Variants in PRDM9 observed in about 807,000 individuals in gnomAD.
PRDM9 encodes the protein histone-lysine N-methyltransferase PRDM9.
In PRDM9, 47 loss-of-function variants were observed where a neutral mutation model predicts 55.6. That is an observed-to-expected ratio of 0.85 (90% CI 0.67 to 1.08). PRDM9 has a LOEUF of 1.08. Among genes scored for constraint, PRDM9 ranks in the 50% least tolerant of loss-of-function variants. The probability of loss-of-function intolerance (pLI) is 0.00; values close to 1 mark genes in which losing one functional copy is unlikely to be tolerated. For synonymous variants in PRDM9, 312 were observed against 375.7 expected, an observed-to-expected ratio of 0.83 and a Z score of 1.96; for missense variants, 867 against 1,040.3, an observed-to-expected ratio of 0.83 and a Z score of 2.29.
intron 5 of PRDM9, among the ~76,000 whole-genome samples, chr5:23,518,492 G>A (rs1739263380): frequency 6.6e-6 from 1 of 152,156 alleles, no homozygotes; most frequent in African/African-American, 2.4e-5. Context: ...GAAACACTCT[G>A]ATTAAGGGAA....
intron 4 of PRDM9, among the ~76,000 whole-genome samples, chr5:23,516,117 A>G (rs2126416822): frequency 6.6e-6 from 1 of 152,310 alleles, no homozygotes; most frequent in East Asian, 1.9e-4. Flanking sequence ...CATGTTAACA[A>G]TATTAAGTCT....
intron 4 of PRDM9, among the ~76,000 whole-genome samples, chr5:23,511,500 C>T (rs796128979): frequency 5.9e-5 from 9 of 152,226 alleles, no homozygotes; most frequent in African/African-American, 2.2e-4. Flanking sequence ...CATGTGCCAC[C>T]ACGCCAAGCT....
intron 5 of PRDM9, among the ~76,000 whole-genome samples, chr5:23,519,113 G>A (rs547712436): frequency 6.6e-6 from 1 of 152,304 alleles, no homozygotes; most frequent in African/African-American, 2.4e-5. Context: ...AGGCTGGAGT[G>A]CAATGACTCA....
intron 4 of PRDM9, among the ~76,000 whole-genome samples, chr5:23,512,925 G>A (rs1739128520): frequency 6.6e-6 from 1 of 152,098 alleles, no homozygotes; most frequent in South Asian, 2.1e-4. Context: ...ATGTCCCCAA[G>A]ATTCACCCAT....
chr5:23,514,340 G>C (rs1198684479), intron 4 of PRDM9, among the ~76,000 whole-genome samples: 1 of 152,098 alleles, frequency 6.6e-6, no homozygotes, highest in East Asian at 1.9e-4. Flanking sequence ...GTCTCTTCCT[G>C]ACTTGTGGGC....
chr5:23,514,295 A>T lies in PRDM9; in HGVS notation c.302-3586A>T, dbSNP rs191066194. ...CATTTCTGAAGCCTGGAAGTAAAAAATCAGAGTGCCAGCATGGTTGGGTTC... is the reference window on the plus strand; with the variant it reads ...CATTTCTGAAGCCTGGAAGTAAAAATTCAGAGTGCCAGCATGGTTGGGTTC... On this transcript the variant is annotated intron_variant, in intron 4 of 10. Coordinates refer to ENST00000296682, the MANE Select transcript of PRDM9 (RefSeq NM_020227.4). Among the ~76,000 whole-genome samples, 9 of 152,318 alleles carry T rather than the reference A, an allele frequency of 5.9e-5. No individual in the cohort carries two copies. In the East Asian group the frequency reaches 1.7e-3, roughly 29 times the overall value.
chr5:23,520,949 T>G lies in PRDM9; in HGVS notation c.352-74T>G, dbSNP rs1300071234. On this transcript the variant is annotated intron_variant, in intron 5 of 10. Transcript: ENST00000296682. The stretch of plus-strand genomic sequence containing the variant: ...TGAACATTAACTAGAGTCATGCATA[T>G]GAAAACATGTTGCAAGCCGTAAAGA... 4.6e-5 allele frequency: 71 copies of G among 1,537,548 alleles called. No individual in the cohort carries two copies. The East Asian group carries it at 1.6e-3, about 34-fold the overall frequency.
intron 4 of PRDM9, among the ~76,000 whole-genome samples, chr5:23,513,537 CA>C (rs1480573478): frequency 6.6e-6 from 1 of 152,114 alleles, no homozygotes; most frequent in Non-Finnish European, 1.5e-5. Context: ...CCATGCTCTT[CA>C]ACTTCCCAGC....
rs1465338156 is a variant in PRDM9, at chr5:23,509,967, A to G, written c.241A>G (p.Ile81Val). Reference protein sequence around the residue: ...PAFMCHRRQAIKLQVDDTEDS... With the variant: ...PAFMCHRRQAVKLQVDDTEDS... ...TTTCATGTGTCACCGAAGGCAGGCCATCAAACTCCAGGTGGATGACACAGA... is the reference window on the plus strand; with the variant it reads ...TTTCATGTGTCACCGAAGGCAGGCCGTCAAACTCCAGGTGGATGACACAGA... Residue 81 changes from isoleucine (I) to valine (V), a missense_variant, in exon 4 of 11, where the codon ATC (isoleucine) becomes GTC (valine). Around this residue, in one of 5 missense-constraint regions of PRDM9, gnomAD observed 662 missense variants for 711.9 expected, o/e 0.93. Transcript: ENST00000296682. The G allele has an allele frequency of 3.1e-6, 5 of 1,613,822 alleles. No individual in the cohort carries two copies. The highest frequency in any genetic ancestry group is 2.2e-5 in the East Asian group (1 of 44,876).
chr5:23,508,202 C>T (rs1739022287), intron 1 of PRDM9, among the ~76,000 whole-genome samples: 1 of 152,072 alleles, frequency 6.6e-6, no homozygotes. Flanking sequence ...ATCCTTTCAT[C>T]CTGAGGAACC....
At chr5:23,509,388 A>T (rs186537727) in intron 2 of PRDM9, 82 bp from the exon 3 acceptor site, 3 of 1,602,890 alleles carry the variant, frequency 1.9e-6, no homozygotes, top group Non-Finnish European at 1.7e-6. Context: ...GCCCCAGGCT[A>T]TGTCCTACAC....
intron 8 of PRDM9, 79 bp from the exon 9 acceptor site, chr5:23,523,212 C>A: frequency 1.3e-6 from 2 of 1,502,090 alleles, no homozygotes; most frequent in South Asian, 2.3e-5. Flanking sequence ...GCCCAAAGGC[C>A]ATTGACGACA....
At chr5:23,519,001 A>G (rs1171255423) in intron 5 of PRDM9, among the ~76,000 whole-genome samples, 1 of 152,168 alleles carries the variant, frequency 6.6e-6, no homozygotes. Flanking sequence ...GTTAGATTTC[A>G]ACTGTAGAGA....
At chr5:23,520,804 C>T (rs986790860) in intron 5 of PRDM9, among the ~76,000 whole-genome samples, 7 of 152,244 alleles carry the variant, frequency 4.6e-5, no homozygotes, top group Admixed American at 3.9e-4. Flanking sequence ...TTACATAGAA[C>T]ATTTTAGAGA....
intron 5 of PRDM9, 80 bp from the exon 6 acceptor site, chr5:23,520,943 T>C (rs1402844246): frequency 2.0e-6 from 3 of 1,491,314 alleles, no homozygotes; most frequent in Non-Finnish European, 2.8e-6. Flanking sequence ...ACTAGAGTCA[T>C]GCATATGAAA....
At chr5:23,516,343 T>C (rs1418097377) in intron 4 of PRDM9, among the ~76,000 whole-genome samples, 3 of 152,158 alleles carry the variant, frequency 2.0e-5, no homozygotes, top group Non-Finnish European at 4.4e-5. Context: ...ACAACTGATT[T>C]GGGGTGTTGA....
At chr5:23,525,662 G>A (rs1739415858) in intron 10 of PRDM9, among the ~76,000 whole-genome samples, 1 of 152,132 alleles carries the variant, frequency 6.6e-6, no homozygotes, top group Admixed American at 6.5e-5. Flanking sequence ...CCTTTTGAAT[G>A]AGGAGACTCA....
chr5:23,526,309 A>G lies in PRDM9; in HGVS notation c.1221A>G (p.Val407=). 1 of 1,614,168 alleles carries G rather than the reference A, an allele frequency of 6.2e-7. No individual in the cohort carries two copies. ...FSSQKFLSQH[V]ERNHSSQNFP... is the part of the protein sequence containing the mutation. ...GTCAGAAATTTCTCAGTCAACATGT[A>G]GAACGCAATCACTCCTCTCAGAACT... Residue 407 remains valine (V), a synonymous_variant, in exon 11 of 11, where the codon GTA becomes GTG. Transcript: ENST00000296682.
At chr5:23,525,998 A>G (rs1274013840) in intron 10 of PRDM9, among the ~76,000 whole-genome samples, 1 of 152,170 alleles carries the variant, frequency 6.6e-6, no homozygotes, top group Admixed American at 6.5e-5. Flanking sequence ...GAGGTTACCT[A>G]GTCTGGCAGA....
Sources: allele counts gnomAD v4.1 joint callset (sites outside exome capture counted in the v4.1 genomes callset), GRCh38; gene constraint gnomAD v4.1.1; regional missense constraint gnomAD v4.1.1; transcripts MANE v1.5; gene names NCBI Gene and HGNC (gene_info 2026-07-23, HGNC 2026-07-21).